The following COL13A1 variants were observed in gnomAD, a reference collection of about 807,000 sequenced individuals.
COL13A1 encodes the protein collagen alpha-1(XIII) chain.
Under a neutral mutation model 130.9 loss-of-function variants are expected in COL13A1, and 89 were observed. The ratio of observed to expected loss-of-function variants is 0.68; its 90% CI spans 0.57 to 0.81. The LOEUF (loss-of-function observed/expected upper bound fraction) is 0.81, where lower values mean the gene tolerates loss of function less well. COL13A1 is among the 30% of genes least tolerant of loss of function. The probability of loss-of-function intolerance (pLI) is 0.00; values close to 1 mark genes in which losing one functional copy is unlikely to be tolerated. For synonymous variants in COL13A1, 402 were observed against 341.6 expected (o/e 1.18, Z -1.95); for missense variants, 879 against 934.6 (o/e 0.94, Z 0.78).
chr10:69,872,016 G>C (rs2059118943), intron 3 of COL13A1, among the ~76,000 whole-genome samples, 168 bp from the exon 4 acceptor site: 1 of 152,198 alleles, frequency 6.6e-6, no homozygotes, highest in African/African-American at 2.4e-5. Context: ...GAACTGGAAG[G>C]AAGCTTTATA....
At chr10:69,900,590 C>T (rs2062088659) in intron 14 of COL13A1, among the ~76,000 whole-genome samples, 1 of 152,220 alleles carries the variant, frequency 6.6e-6, no homozygotes, top group Non-Finnish European at 1.5e-5. Flanking sequence ...AAATGCTTGT[C>T]CATTTCTTAT....
At position 69,822,704 on chromosome 10, in the gene COL13A1, A is replaced by G. The variant is rs541902709; in HGVS notation, c.364+266A>G. On this transcript the variant is annotated intron_variant, in intron 2 of 40. Transcript: ENST00000645393. ...AACCAGGTTGTGGTGAAGTCGGATA[A>G]GATGATGGGCATGACTGTTTTGAAA... is the stretch of plus-strand genomic sequence containing the variant. Among the ~76,000 whole-genome samples the G allele has an allele frequency of 1.8e-4, 28 of 152,356 alleles. 1 individual carries two copies. The South Asian group carries it at 4.8e-3, about 26-fold the overall frequency.
intron 1 of COL13A1, 79 bp from the exon 2 acceptor site, chr10:69,822,290 C>T (rs900516472): frequency 1.6e-5 from 18 of 1,153,668 alleles, no homozygotes; most frequent in Middle Eastern, 2.2e-4. Flanking sequence ...TCCTGCCCTC[C>T]TCGTCAGCCC....
At chr10:69,878,332 A>C (rs762149133) in intron 6 of COL13A1, among the ~76,000 whole-genome samples, 1 of 152,164 alleles carries the variant, frequency 6.6e-6, no homozygotes, top group Non-Finnish European at 1.5e-5. Flanking sequence ...ATGAGGCCTC[A>C]TCGCTCTGGC....
At chr10:69,921,672 T>C (rs2064694096) in intron 21 of COL13A1, among the ~76,000 whole-genome samples, 1 of 152,120 alleles carries the variant, frequency 6.6e-6, no homozygotes, top group Admixed American at 6.5e-5. Flanking sequence ...AAAGCAGTCA[T>C]GCAGGTGTCA....
chr10:69,932,888 G>A (rs1211588307), intron 31 of COL13A1, among the ~76,000 whole-genome samples: 2 of 152,076 alleles, frequency 1.3e-5, no homozygotes, highest in African/African-American at 2.4e-5. Flanking sequence ...TGTAATCCTA[G>A]CAATTTGGGA....
chr10:69,916,821 C>A (rs960688414), intron 17 of COL13A1, among the ~76,000 whole-genome samples: 1 of 152,134 alleles, frequency 6.6e-6, no homozygotes, highest in African/African-American at 2.4e-5. Context: ...AAGAGAGCTC[C>A]TGTCTGGCTC....
At chr10:69,840,212 A>T (rs1851226137) in intron 2 of COL13A1, among the ~76,000 whole-genome samples, 1 of 152,138 alleles carries the variant, frequency 6.6e-6, no homozygotes, top group African/African-American at 2.4e-5. Flanking sequence ...AAGCTGCTGG[A>T]GCTGCAGAAT....
At position 69,895,562 on chromosome 10, in the gene COL13A1, G is replaced by A. The variant is rs2061551657; in HGVS notation, c.670G>A (p.Glu224Lys). The A allele has an allele frequency of 6.2e-7, 1 of 1,613,968 alleles. No homozygotes were observed. Among genetic ancestry groups the A allele is most frequent in the Non-Finnish European group, 8.5e-7 (1 of 1,179,882 alleles). ...CTCTCCTTCCCAGGGTCAGTGTGGA[G>A]AGTACCCACACCGGGTAAGTGAACC... ...GQKGEKGQCGEYPHRLLPLLN... is the reference protein window; with the variant it reads ...GQKGEKGQCGKYPHRLLPLLN... The change falls in exon 13 of 41, where the codon GAG becomes AAG. Residue 224 changes from glutamate (E) to lysine (K), a missense_variant. Transcript: ENST00000645393.
At chr10:69,831,211 G>T (rs1356833717) in intron 2 of COL13A1, among the ~76,000 whole-genome samples, 1 of 152,188 alleles carries the variant, frequency 6.6e-6, no homozygotes, top group Non-Finnish European at 1.5e-5. Flanking sequence ...ATTGCTTGCT[G>T]CCTAAATCCC....
chr10:69,879,930 C>T (rs1453452230), intron 6 of COL13A1, among the ~76,000 whole-genome samples: 1 of 152,202 alleles, frequency 6.6e-6, no homozygotes, highest in Admixed American at 6.5e-5. Context: ...TGAGTTCACA[C>T]AGCACGCATG....
At chr10:69,811,023 C>T (rs771783062) in intron 1 of COL13A1, among the ~76,000 whole-genome samples, 9 of 152,310 alleles carry the variant, frequency 5.9e-5, no homozygotes, top group Non-Finnish European at 1.3e-4. Flanking sequence ...CCCTGCCTGG[C>T]GGCTATTGTA....
chr10:69,940,828 G>A lies in COL13A1; in HGVS notation c.1879-160G>A, dbSNP rs17500311. On this transcript the variant is annotated intron_variant, in intron 34 of 40. Transcript: ENST00000645393. ...TTGGTTTCCATGTAAATACCATTCC[G>A]TGTCCTCCCAAGCTTATTTCTCCAG... Among the ~76,000 whole-genome samples the A allele has an allele frequency of 3.3e-5, 5 of 152,086 alleles. 1 individual carries two copies. The highest frequency in any genetic ancestry group is 3.9e-4 in the East Asian group (2 of 5,188).
chr10:69,861,289 C>T (rs1857995661), intron 2 of COL13A1, among the ~76,000 whole-genome samples: 1 of 152,190 alleles, frequency 6.6e-6, no homozygotes, highest in Admixed American at 6.5e-5. Flanking sequence ...AGGAAGGTGG[C>T]CACTCAGGTT....
At chr10:69,844,189 C>G (rs1270817737) in intron 2 of COL13A1, among the ~76,000 whole-genome samples, 1 of 152,198 alleles carries the variant, frequency 6.6e-6, no homozygotes, top group East Asian at 1.9e-4. Flanking sequence ...ACAGCATGGG[C>G]TGTCAGGAGG....
chr10:69,877,684 C>T (rs984559675), intron 5 of COL13A1: 1 of 107,864 alleles, frequency 9.3e-6, no homozygotes, highest in African/African-American at 4.4e-5. Flanking sequence ...GTCTCTCTCT[C>T]TCTCTCTCTC....
At position 69,923,817 on chromosome 10, in the gene COL13A1, G is replaced by T. The variant is rs117194484; in HGVS notation, c.1246G>T (p.Asp416Tyr). Residue 416 changes from aspartate to tyrosine, a missense_variant, in exon 24 of 41, where the codon GAT becomes TAT. Transcript: ENST00000645393. ...TCTTCCCCAGGGAGAAGCAGGTGTCGATGGCCAGGTTGGCCCCCCAGGGCA... is the reference window on the plus strand; with the variant it reads ...TCTTCCCCAGGGAGAAGCAGGTGTCTATGGCCAGGTTGGCCCCCCAGGGCA... ...PPGPKGEAGV[D>Y]GQVGPPGQPG... 714 of 1,611,412 alleles carry T rather than the reference G, an allele frequency of 4.4e-4. 6 individuals are homozygous for T. In the East Asian group the frequency reaches 0.016, roughly 35 times the overall value.
chr10:69,891,934 G>T (rs534436951), intron 10 of COL13A1, among the ~76,000 whole-genome samples: 1 of 152,020 alleles, frequency 6.6e-6, no homozygotes, highest in Non-Finnish European at 1.5e-5. Context: ...CTTACCCCTC[G>T]ATCACACCTC....
chr10:69,851,133 TG>T (rs955598929), intron 2 of COL13A1, among the ~76,000 whole-genome samples: 1 of 152,240 alleles, frequency 6.6e-6, no homozygotes, highest in Admixed American at 6.5e-5. Flanking sequence ...ATCGAGGTCC[TG>T]GGAGATTCTG....
Sources: allele counts gnomAD v4.1 joint callset (sites outside exome capture counted in the v4.1 genomes callset), GRCh38; gene constraint gnomAD v4.1.1; transcripts MANE v1.5; gene names NCBI Gene and HGNC (gene_info 2026-07-23, HGNC 2026-07-21).